MYBPHL: variants seen among roughly 807,000 people sequenced by gnomAD.
MYBPHL encodes the protein myosin-binding protein H-like.
In MYBPHL, 32 loss-of-function variants were observed where a neutral mutation model predicts 39.5. The observed-to-expected ratio is 0.81, with a 90% CI of 0.61 to 1.09. MYBPHL has a LOEUF of 1.09. Among genes scored for constraint, MYBPHL ranks in the 50% least tolerant of loss-of-function variants. The pLI is 0.00. For synonymous variants in MYBPHL, 196 were observed against 183.7 expected (o/e 1.07, Z -0.54); for missense variants, 456 against 460.2 (o/e 0.99, Z 0.08).
chr1:109,300,479 G>T (rs998087815), intron 1 of MYBPHL, among the ~76,000 whole-genome samples: 4 of 152,212 alleles, frequency 2.6e-5, no homozygotes, highest in African/African-American at 9.6e-5. Flanking sequence ...TGACAGAAGT[G>T]CCCGCTGAGC....
chr1:109,296,974 C>T (rs747689111), intron 4 of MYBPHL, 32 bp from the exon 5 acceptor site: 2 of 1,613,784 alleles, frequency 1.2e-6, no homozygotes, highest in Non-Finnish European at 1.7e-6. Context: ...CAGAAATCAG[C>T]CACCCCATGT....
At position 109,298,247 on chromosome 1, in the gene MYBPHL, C is replaced by CT. The variant is rs764000911; in HGVS notation, c.155dup (p.Ile53AspfsTer38). 3 of 1,610,238 alleles carry CT rather than the reference C, an allele frequency of 1.9e-6. No homozygotes were observed. Among genetic ancestry groups the CT allele is most frequent in the Non-Finnish European group, 2.5e-6 (3 of 1,178,432 alleles). ...GCCTCAGGGCCCGAGGTAGCCAGAT[C>CT]TTGGGGTGCTCTGAGTGATGGAAAG... On this transcript the variant is annotated frameshift_variant, in exon 2 of 9. Transcript: ENST00000357155. LOFTEE classifies it high-confidence loss of function.
Position 109,295,248 on chromosome 1 carries a change from T to C in MYBPHL, c.917A>G (p.Lys306Arg), listed in dbSNP as rs1658019782. ...KNKMDIQGNP[K>R]YRALTHLGIC... is the part of the protein sequence containing the mutation. ...TCCCAGGTGAGTCAGGGCTCTGTAC[T>C]TAGGGTTGCCTTGGATATCCATCTT... Residue 306 changes from lysine (K) to arginine (R), a missense_variant, in exon 7 of 9, where the codon AAG becomes AGG. Lys to Arg is a conservative substitution (Grantham distance 26). Transcript: ENST00000357155. The C allele has an allele frequency of 5.0e-6, 8 of 1,614,114 alleles. No individual in the cohort carries two copies. Among genetic ancestry groups the C allele is most frequent in the Middle Eastern group, 1.7e-4 (1 of 6,056 alleles).
intron 5 of MYBPHL, 80 bp from the exon 6 acceptor site, chr1:109,296,450 T>C: frequency 6.4e-7 from 1 of 1,559,746 alleles, no homozygotes; most frequent in Non-Finnish European, 8.6e-7. Flanking sequence ...TATTTTTTTT[T>C]TTTTTTGAGG....
In MYBPHL at chr1:109,306,737, TAG is replaced by T. The variant is rs1658481720; in HGVS notation, c.145+108_145+109del. 8.7e-6 allele frequency: 8 copies of T among 917,812 alleles called. No individual in the cohort carries two copies. The East Asian group carries it at 1.5e-4, about 18-fold the overall frequency. 56.9% of individuals were successfully genotyped at this position (917,812 alleles called of 1,614,324 possible). Reference sequence around the variant, plus strand: ...ATCTCCAGCCTAATCACCAATCCTATAGAGTCTTTAGCTCTGCAGAAAACCTG... The same window carrying T: ...ATCTCCAGCCTAATCACCAATCCTATAGTCTTTAGCTCTGCAGAAAACCTG... On this transcript the variant is annotated intron_variant, in intron 1 of 8. Coordinates refer to ENST00000357155, the MANE Select transcript of MYBPHL (RefSeq NM_001010985.3).
chr1:109,297,026 T>G (rs1446708238), intron 4 of MYBPHL, 24 bp downstream of exon 4: 1 of 1,614,108 alleles, frequency 6.2e-7, no homozygotes, highest in South Asian at 1.1e-5. Flanking sequence ...TCTTCCACCC[T>G]CCTTCCTTCC....
Position 109,297,487 on chromosome 1 carries a change from C to T in MYBPHL, c.365G>A (p.Arg122His), listed in dbSNP as rs143926262. The part of the protein sequence containing the change: ...IREAQRADSG[R>H]YQLRVQLGGL... ...ACCCAGCTGCACGCGGAGTTGGTAGCGACCTGAGTCAGCACGTTGGGCTTC... is the reference window on the plus strand; with the variant it reads ...ACCCAGCTGCACGCGGAGTTGGTAGTGACCTGAGTCAGCACGTTGGGCTTC... Residue 122 changes from arginine (R) to histidine (H), a missense_variant, in exon 3 of 9, where the codon CGC becomes CAC. Physicochemically the swap from Arg to His is conservative, Grantham distance 29. Coordinates refer to ENST00000357155, the MANE Select transcript of MYBPHL (RefSeq NM_001010985.3). The T allele has an allele frequency of 4.8e-5, 78 of 1,613,450 alleles. No homozygotes were observed. The highest frequency in any genetic ancestry group is 1.8e-4 in the Admixed American group (11 of 59,992).
rs780664545 is a variant in MYBPHL, at chr1:109,296,390, CT to C, written c.731-21del. On this transcript the variant is annotated intron_variant, in intron 5 of 8. Transcript: ENST00000357155. ...CAGTAGCTGAGGGCACCAAGAGGGG[CT>C]GGCATGTAGCTTCTGAGATCCCAGC... is the stretch of plus-strand genomic sequence containing the variant. The C allele has an allele frequency of 7.4e-6, 12 of 1,613,236 alleles. No homozygotes were observed. The highest frequency in any genetic ancestry group is 1.0e-5 in the Non-Finnish European group (12 of 1,179,792).
At position 109,297,152 on chromosome 1, in the gene MYBPHL, G is replaced by C. The variant is rs373917531; in HGVS notation, c.468C>G (p.Asp156Glu). ...PGPPQSIKLVDVWGFSATLEW... is the reference protein window; with the variant it reads ...PGPPQSIKLVEVWGFSATLEW... ...CCAGTGTAGCGCTGAAGCCCCAAACGTCCACCAGCTTAATACTCTGAGGAG... is the reference window on the plus strand; with the variant it reads ...CCAGTGTAGCGCTGAAGCCCCAAACCTCCACCAGCTTAATACTCTGAGGAG... The change falls in exon 4 of 9, where the codon GAC becomes GAG. Residue 156 changes from aspartate to glutamate, a missense_variant. By Grantham distance (45) the Asp-to-Glu change is conservative (BLOSUM62 2). Coordinates refer to ENST00000357155, the MANE Select transcript of MYBPHL (RefSeq NM_001010985.3). 219 of 1,614,050 alleles carry C rather than the reference G, an allele frequency of 1.4e-4. No homozygotes were observed. The highest frequency in any genetic ancestry group is 1.8e-4 in the Non-Finnish European group (212 of 1,180,048).
chr1:109,294,105 C>T, intron 8 of MYBPHL, 101 bp downstream of exon 8: 1 of 790,610 alleles, frequency 1.3e-6, no homozygotes, highest in Non-Finnish European at 2.2e-6. Context: ...CCAGTGGATA[C>T]ATGACTGAAA....
At chr1:109,299,113 G>C (rs1042699401) in intron 1 of MYBPHL, among the ~76,000 whole-genome samples, 1 of 152,168 alleles carries the variant, frequency 6.6e-6, no homozygotes, top group African/African-American at 2.4e-5. Context: ...TTCCACCTGC[G>C]TTCCCTCGGG....
intron 1 of MYBPHL, among the ~76,000 whole-genome samples, chr1:109,304,211 T>C (rs538470930): frequency 1.3e-5 from 2 of 150,740 alleles, no homozygotes; most frequent in South Asian, 4.2e-4. Context: ...TTTACCTATT[T>C]TGTTCATTTC....
intron 1 of MYBPHL, among the ~76,000 whole-genome samples, chr1:109,306,346 G>A (rs1658468749): frequency 6.6e-6 from 1 of 152,116 alleles, no homozygotes; most frequent in South Asian, 2.1e-4. Context: ...ATCTCCTATG[G>A]GAGCAGTGGG....
rs528631835 is a variant in MYBPHL, at chr1:109,296,570, C to G, written c.731-200G>C. Among the ~76,000 whole-genome samples the G allele has an allele frequency of 8.5e-5, 13 of 152,200 alleles. No individual in the cohort carries two copies. In the South Asian group the frequency reaches 2.7e-3, roughly 32 times the overall value. ...TCTCCTGCCTTAGCCTCCTGAGTAG[C>G]TGGGAGTACAGGCGTGCACCACCAT... On this transcript the variant is annotated intron_variant, in intron 5 of 8. Transcript: ENST00000357155.
In MYBPHL at chr1:109,296,283, A is replaced by G. The variant is rs201047006; in HGVS notation, c.818T>C (p.Val273Ala). The change falls in exon 6 of 9, where the codon GTC (valine) becomes GCC (alanine). Residue 273 changes from valine (V) to alanine (A), a missense_variant. Val to Ala is a moderately conservative substitution (Grantham distance 64, BLOSUM62 0). Transcript: ENST00000357155. ...FTQPLADCTT[V>A]TGYNTQLFCC... ...GAAGAGCTGGGTATTATAGCCGGTG[A>G]CTGTAGTGCAGTCGGCCAGAGGCTG... is the stretch of plus-strand genomic sequence containing the variant. 2.3e-4 allele frequency: 367 copies of G among 1,614,028 alleles called. 1 individual carries two copies. The South Asian group carries it at 2.6e-3, about 12-fold the overall frequency.
intron 1 of MYBPHL, among the ~76,000 whole-genome samples, chr1:109,305,427 G>A (rs554113014): frequency 5.3e-5 from 8 of 152,356 alleles, no homozygotes; most frequent in African/African-American, 1.9e-4. Flanking sequence ...TGCTGCACAC[G>A]AGAGGCTTTG....
chr1:109,295,133 C>G lies in MYBPHL; in HGVS notation c.1032G>C (p.Val344=). The stretch of plus-strand genomic sequence containing the variant: ...TACCTTTCACATCCACCCGACAGTC[C>G]ACAGATGCCTCCCCTAGGGGGTTCA... The part of the protein sequence containing the change: ...KAVNPLGEAS[V]DCRVDVKVPN Residue 344 remains valine (V), a synonymous_variant, in exon 7 of 9, where the codon GTG becomes GTC. Transcript: ENST00000357155. The G allele has an allele frequency of 6.2e-7, 1 of 1,613,538 alleles. No homozygotes were observed. Among genetic ancestry groups the G allele is most frequent in the Non-Finnish European group, 8.5e-7 (1 of 1,179,960 alleles).
At chr1:109,302,436 A>C (rs970182771) in intron 1 of MYBPHL, among the ~76,000 whole-genome samples, 11 of 152,080 alleles carry the variant, frequency 7.2e-5, no homozygotes, top group African/African-American at 1.2e-4. Context: ...GGTCAGAAAA[A>C]ATAAAAGGAC....
chr1:109,295,173 T>C lies in MYBPHL; in HGVS notation c.992A>G (p.Tyr331Cys). ...RKPGPFDGGI[Y>C]TCKAVNPLGE... ...TAGGGGGTTCACCGCCTTGCAGGTA[T>C]AGATGCCTCCATCAAAGGGACCCGG... Residue 331 changes from tyrosine (Y) to cysteine (C), a missense_variant, in exon 7 of 9, where the codon TAT becomes TGT. Tyr to Cys is a radical substitution (Grantham distance 194, BLOSUM62 -2). Transcript: ENST00000357155. 6.2e-7 allele frequency: 1 copy of C among 1,614,134 alleles called. No homozygotes were observed. The highest frequency in any genetic ancestry group is 1.1e-5 in the South Asian group (1 of 91,082).
Sources: allele counts gnomAD v4.1 joint callset (sites outside exome capture counted in the v4.1 genomes callset), GRCh38; gene constraint gnomAD v4.1.1; transcripts MANE v1.5; gene names NCBI Gene and HGNC (gene_info 2026-07-23, HGNC 2026-07-21).